GFRAL: variants seen among roughly 807,000 people sequenced by gnomAD.
GFRAL encodes GDNF family receptor alpha-like.
A neutral mutation model predicts 45.4 loss-of-function variants in GFRAL; 36 were observed. The ratio of observed to expected loss-of-function variants is 0.79; its 90% CI spans 0.61 to 1.05. GFRAL has a LOEUF of 1.05. Among genes scored for constraint, GFRAL ranks in the 50% least tolerant of loss-of-function variants. GFRAL has a pLI of 0.00. For synonymous variants in GFRAL, 166 were observed against 154.1 expected (o/e 1.08, Z -0.57); for missense variants, 507 against 467.5 (o/e 1.08, Z -0.78).
rs556028097 is a variant in GFRAL, at chr6:55,364,935, T to G, written c.952+5797T>G. Among the ~76,000 whole-genome samples the G allele has an allele frequency of 7.9e-5, 12 of 152,084 alleles. No individual in the cohort carries two copies. The East Asian group carries it at 1.5e-3, about 20-fold the overall frequency. ...TTGGTGATGCGGGCTCTTTTTTGGTTCCATATGAACTTTAAAGTAGTTTTT... is the reference window on the plus strand; with the variant it reads ...TTGGTGATGCGGGCTCTTTTTTGGTGCCATATGAACTTTAAAGTAGTTTTT... On this transcript the variant is annotated intron_variant, in intron 6 of 8. Transcript: ENST00000340465.
At chr6:55,373,165 G>T (rs989895874) in intron 6 of GFRAL, among the ~76,000 whole-genome samples, 1 of 151,986 alleles carries the variant, frequency 6.6e-6, no homozygotes, top group African/African-American at 2.4e-5. Context: ...TATACTATAG[G>T]CATTGTGCAG....
rs184759859 is a variant in GFRAL at position 55,385,141 on chromosome 6, G to T, written c.953-14039G>T. ...TGACTAATGACCAGAAGCATATCAA[G>T]AAAACATTACATTAATATTAATAGT... is the stretch of plus-strand genomic sequence containing the variant. On this transcript the variant is annotated intron_variant, in intron 6 of 8. Transcript: ENST00000340465. Among the ~76,000 whole-genome samples the T allele has an allele frequency of 2.0e-5, 3 of 152,122 alleles. No individual in the cohort carries two copies. The East Asian group carries it at 5.8e-4, about 29-fold the overall frequency.
intron 3 of GFRAL, among the ~76,000 whole-genome samples, chr6:55,340,754 C>T (rs1305493575): frequency 6.6e-6 from 1 of 152,154 alleles, no homozygotes; most frequent in African/African-American, 2.4e-5. Flanking sequence ...CACAAGGGGT[C>T]AGGGAATTCC....
chr6:55,360,769 T>C (rs955061103), intron 6 of GFRAL, among the ~76,000 whole-genome samples: 5 of 151,924 alleles, frequency 3.3e-5, no homozygotes, highest in Admixed American at 2.6e-4. Flanking sequence ...AGCAGGAAAA[T>C]ACCAAATAAC....
chr6:55,329,129 T>G (rs1767799696), intron 1 of GFRAL, among the ~76,000 whole-genome samples: 2 of 152,052 alleles, frequency 1.3e-5, no homozygotes. Flanking sequence ...CCACAAGTCA[T>G]AGTTTGGAAT....
intron 3 of GFRAL, among the ~76,000 whole-genome samples, chr6:55,347,860 C>T (rs138186563): frequency 0.013 from 1,990 of 152,098 alleles, 23 homozygotes; most frequent in Non-Finnish European, 0.022. Flanking sequence ...TGCCACATAC[C>T]CTCTAAAAAA....
intron 6 of GFRAL, among the ~76,000 whole-genome samples, chr6:55,397,685 A>G (rs904550986): frequency 3.3e-5 from 5 of 152,144 alleles, no homozygotes; most frequent in South Asian, 2.1e-4. Flanking sequence ...TGAAACTCCA[A>G]TCTATCTCTC....
intron 3 of GFRAL, among the ~76,000 whole-genome samples, chr6:55,335,681 G>A (rs546635667): frequency 1.2e-4 from 18 of 152,136 alleles, no homozygotes; most frequent in African/African-American, 4.3e-4. Context: ...CCACATTTGT[G>A]GAAAATAATA....
chr6:55,360,390 A>G (rs999034794), intron 6 of GFRAL, among the ~76,000 whole-genome samples: 5 of 146,732 alleles, frequency 3.4e-5, no homozygotes, highest in African/African-American at 1.3e-4. Context: ...ATAGATCTAT[A>G]TCTACATCTA....
chr6:55,330,539 C>A (rs1246028913), intron 1 of GFRAL, among the ~76,000 whole-genome samples: 1 of 151,926 alleles, frequency 6.6e-6, no homozygotes, highest in Non-Finnish European at 1.5e-5. Context: ...TGATTGTGTT[C>A]AGTTTTAAAC....
chr6:55,359,248 A>T, intron 6 of GFRAL, 110 bp downstream of exon 6: 2 of 861,650 alleles, frequency 2.3e-6, no homozygotes, highest in Admixed American at 6.0e-5. Flanking sequence ...CAGCACAGAC[A>T]TTTTTGTGTT....
chr6:55,354,727 G>A (rs12199401), intron 5 of GFRAL, among the ~76,000 whole-genome samples: 35,089 of 151,944 alleles, frequency 0.23, 4,706 homozygotes, highest in Middle Eastern at 0.47. Flanking sequence ...CTTCTTCAAT[G>A]AGAATATTAA....
chr6:55,354,835 T>A (rs1449505621), intron 5 of GFRAL, among the ~76,000 whole-genome samples: 2 of 151,968 alleles, frequency 1.3e-5, no homozygotes, highest in Admixed American at 6.6e-5. Flanking sequence ...TGTTCCAAAT[T>A]TTTCAATTCA....
At chr6:55,329,616 G>T (rs1287578977) in intron 1 of GFRAL, among the ~76,000 whole-genome samples, 1 of 151,788 alleles carries the variant, frequency 6.6e-6, no homozygotes, top group Non-Finnish European at 1.5e-5. Context: ...TCTTTCTTTG[G>T]GCTAGCCAAA....
chr6:55,341,490 C>G (rs1169816127), intron 3 of GFRAL, among the ~76,000 whole-genome samples: 1 of 152,308 alleles, frequency 6.6e-6, no homozygotes, highest in African/African-American at 2.4e-5. Flanking sequence ...AACTAACAAA[C>G]AGAAAGGACA....
chr6:55,401,212 A>G (rs1202324744), intron 8 of GFRAL, among the ~76,000 whole-genome samples: 1 of 152,188 alleles, frequency 6.6e-6, no homozygotes, highest in Non-Finnish European at 1.5e-5. Flanking sequence ...GTTACAAATT[A>G]TTTTCATATA....
chr6:55,350,354 A>G (rs955982222), intron 4 of GFRAL, among the ~76,000 whole-genome samples: 4 of 152,064 alleles, frequency 2.6e-5, no homozygotes, highest in Admixed American at 2.6e-4. Context: ...CAATTTATAC[A>G]TGCGCTAAGA....
chr6:55,363,224 G>T (rs1437952142), intron 6 of GFRAL, among the ~76,000 whole-genome samples: 6 of 151,894 alleles, frequency 4.0e-5, no homozygotes, highest in Non-Finnish European at 7.4e-5. Flanking sequence ...CATAAGGTTG[G>T]TGTATATTCT....
At chr6:55,375,302 G>A (rs115961982) in intron 6 of GFRAL, among the ~76,000 whole-genome samples, 7,659 of 152,176 alleles carry the variant, frequency 0.05, 289 homozygotes, top group African/African-American at 0.095. Context: ...ATTTCTCTGA[G>A]CAGTGGTTTG....
Sources: allele counts gnomAD v4.1 joint callset (sites outside exome capture counted in the v4.1 genomes callset), GRCh38; gene constraint gnomAD v4.1.1; transcripts MANE v1.5; gene names NCBI Gene and HGNC (gene_info 2026-07-23, HGNC 2026-07-21).